Variants in TENM4 observed in about 807,000 individuals in gnomAD.
TENM4 encodes teneurin transmembrane protein 4.
TENM4 carries 82 observed loss-of-function variants against 243.3 expected under a neutral mutation model. The ratio of observed to expected loss-of-function variants is 0.34; its 90% CI spans 0.28 to 0.40. The LOEUF (loss-of-function observed/expected upper bound fraction) is 0.40, where lower values mean the gene tolerates loss of function less well. Ranked by LOEUF, TENM4 falls within the 10% of genes least tolerant of loss-of-function variation. The pLI is 1.00. For synonymous variants in TENM4, 1,412 were observed against 1,456.3 expected (o/e 0.97, Z 0.69); for missense variants, 3,138 against 3,673.3 (o/e 0.85, Z 3.77).
rs1229198205 is a variant in TENM4, at chr11:78,885,847, C to T, written c.1084+3938G>A. On this transcript the variant is annotated intron_variant, in intron 9 of 33. Transcript: ENST00000278550. ...GGCTGAGGTGGAAGGATCACTGGAG[C>T]CCAGGAATTCAAGGCTGCAGTGAGC... Among the ~76,000 whole-genome samples the T allele has an allele frequency of 2.0e-5, 3 of 152,130 alleles. No homozygotes were observed. The East Asian group carries it at 5.8e-4, about 29-fold the overall frequency.
At chr11:79,033,483 A>G (rs1239909588) in intron 6 of TENM4, among the ~76,000 whole-genome samples, 3 of 152,226 alleles carry the variant, frequency 2.0e-5, no homozygotes, top group Non-Finnish European at 4.4e-5. Flanking sequence ...AATGCGGTGA[A>G]CAAAGTATTA....
At chr11:78,914,896 C>T (rs1294762691) in intron 6 of TENM4, among the ~76,000 whole-genome samples, 2 of 152,220 alleles carry the variant, frequency 1.3e-5, no homozygotes, top group East Asian at 3.8e-4. Flanking sequence ...ACATTGGTGC[C>T]CCAGCCTGCC....
intron 1 of TENM4, among the ~76,000 whole-genome samples, chr11:79,335,424 G>C (rs1158980305): frequency 6.6e-6 from 1 of 152,250 alleles, no homozygotes; most frequent in African/African-American, 2.4e-5. Context: ...AGGTTGATTA[G>C]CATTGCGGAG....
At chr11:79,003,798 A>T (rs976545160) in intron 6 of TENM4, among the ~76,000 whole-genome samples, 2 of 152,160 alleles carry the variant, frequency 1.3e-5, no homozygotes, top group African/African-American at 4.8e-5. Context: ...TCTGCATAAT[A>T]ACCAGCTAAC....
chr11:78,860,004 A>T (rs1028736743), intron 10 of TENM4, among the ~76,000 whole-genome samples: 1 of 152,216 alleles, frequency 6.6e-6, no homozygotes, highest in Non-Finnish European at 1.5e-5. Context: ...GGTTACAGCC[A>T]TTTGGAAAAT....
intron 7 of TENM4, among the ~76,000 whole-genome samples, chr11:78,902,998 G>A (rs1451740558): frequency 2.0e-5 from 3 of 152,258 alleles, no homozygotes. Context: ...GATAAGGGAA[G>A]AGAGGCAAGG....
In TENM4 at chr11:78,842,144, C is replaced by T. The variant is rs575690127; in HGVS notation, c.1681+11960G>A. Among the ~76,000 whole-genome samples, 9 of 152,298 alleles carry T rather than the reference C, an allele frequency of 5.9e-5. No homozygotes were observed. The South Asian group carries it at 1.9e-3, about 32-fold the overall frequency. ...TTACCCATCTGCCTATTAGTAACTGCCAACAACTAACTTCCACTGGGAAGT... is the reference window on the plus strand; with the variant it reads ...TTACCCATCTGCCTATTAGTAACTGTCAACAACTAACTTCCACTGGGAAGT... On this transcript the variant is annotated intron_variant, in intron 12 of 33. Coordinates refer to ENST00000278550, the MANE Select transcript of TENM4 (RefSeq NM_001098816.3).
chr11:79,238,152 C>A (rs1386505321), intron 2 of TENM4, among the ~76,000 whole-genome samples: 1 of 152,142 alleles, frequency 6.6e-6, no homozygotes, highest in African/African-American at 2.4e-5. Flanking sequence ...GGAGTGCTGT[C>A]TGAATTGTAT....
chr11:79,438,179 G>A lies in TENM4; in HGVS notation c.-321+2330C>T, dbSNP rs1859318537. On this transcript the variant is annotated intron_variant, in intron 1 of 33. Transcript: ENST00000278550. The surrounding 1 kb of genome is among the most constrained non-coding windows in gnomAD (Gnocchi z 4.1). ...GCGGGCTGGGGGGAAGGGAGTTCAG[G>A]GCCAATGTGTCCCAGACTTCAGCGT... Among the ~76,000 whole-genome samples, 1 of 152,032 alleles carries A rather than the reference G, an allele frequency of 6.6e-6. No homozygotes were observed. Among genetic ancestry groups the A allele is most frequent in the Admixed American group, 6.5e-5 (1 of 15,274 alleles).
intron 7 of TENM4, among the ~76,000 whole-genome samples, chr11:78,899,302 T>G (rs1413798818): frequency 2.6e-5 from 4 of 151,904 alleles, no homozygotes; most frequent in Non-Finnish European, 4.4e-5. Flanking sequence ...ATGTTAAAAT[T>G]TAATACCCAG....
intron 6 of TENM4, among the ~76,000 whole-genome samples, chr11:78,916,217 A>T (rs1479075549): frequency 6.6e-6 from 1 of 152,208 alleles, no homozygotes; most frequent in Non-Finnish European, 1.5e-5. Flanking sequence ...TGATTTCTTC[A>T]TCTGTAAAAT....
At chr11:78,916,214 T>C (rs1856312765) in intron 6 of TENM4, among the ~76,000 whole-genome samples, 1 of 152,224 alleles carries the variant, frequency 6.6e-6, no homozygotes, top group Non-Finnish European at 1.5e-5. Context: ...CCTTGATTTC[T>C]TCATCTGTAA....
intron 1 of TENM4, among the ~76,000 whole-genome samples, chr11:79,304,495 T>C (rs539772812): frequency 6.6e-6 from 1 of 152,330 alleles, no homozygotes; most frequent in East Asian, 1.9e-4. Context: ...CCTTGGATTT[T>C]TCCCCCTGGA....
At chr11:78,963,756 G>T (rs1857380058) in intron 6 of TENM4, among the ~76,000 whole-genome samples, 1 of 142,306 alleles carries the variant, frequency 7.0e-6, no homozygotes, top group Non-Finnish European at 1.5e-5. Flanking sequence ...TTTTGAGACA[G>T]AGTCTCACTC....
At chr11:79,400,494 C>T (rs1346345470) in intron 1 of TENM4, among the ~76,000 whole-genome samples, 1 of 152,108 alleles carries the variant, frequency 6.6e-6, no homozygotes, top group East Asian at 1.9e-4. Context: ...AAACACTGCT[C>T]CTTTCTCCTG....
rs182819613 is a variant in TENM4 at position 78,787,638 on chromosome 11, C to G, written c.2180-555G>C. 1.2e-3 allele frequency among the ~76,000 whole-genome samples: 185 copies of G among 152,234 alleles called. 1 individual carries two copies. The highest frequency in any genetic ancestry group is 6.8e-3 in the Middle Eastern group (2 of 294). On this transcript the variant is annotated intron_variant, in intron 15 of 33. Coordinates refer to ENST00000278550, the MANE Select transcript of TENM4 (RefSeq NM_001098816.3). ...GCGGGAGGGAGGCTGAACCCCAACC[C>G]CATGAGTATACTCTAGGTTGTTGTC... is the stretch of plus-strand genomic sequence containing the variant.
intron 2 of TENM4, among the ~76,000 whole-genome samples, chr11:79,250,377 C>G (rs1366208933): frequency 6.6e-6 from 1 of 152,244 alleles, no homozygotes; most frequent in Non-Finnish European, 1.5e-5. Context: ...GGATGCCAGG[C>G]TCAGGTCAGG....
chr11:78,935,454 T>C lies in TENM4; in HGVS notation c.494-31931A>G, dbSNP rs1417444604. Among the ~76,000 whole-genome samples, 7 of 152,348 alleles carry C rather than the reference T, an allele frequency of 4.6e-5. No homozygotes were observed. The East Asian group carries it at 9.6e-4, about 21-fold the overall frequency. ...TCCAATAACTTATGAGATAGGTTATTGTACTCTGCCCATTTTACAGGTGAG... is the reference window on the plus strand; with the variant it reads ...TCCAATAACTTATGAGATAGGTTATCGTACTCTGCCCATTTTACAGGTGAG... On this transcript the variant is annotated intron_variant, in intron 6 of 33. Transcript: ENST00000278550.
chr11:79,124,772 T>TAC lies in TENM4; in HGVS notation c.-66+23936_-66+23937dup, dbSNP rs538608197. ...AACTAATCAAATATATATATATATA[T>TAC]ACACATATATATGTGTATATATATG... On this transcript the variant is annotated intron_variant, in intron 4 of 33. Coordinates refer to ENST00000278550, the MANE Select transcript of TENM4 (RefSeq NM_001098816.3). 9.8e-4 allele frequency among the ~76,000 whole-genome samples: 141 copies of TAC among 144,604 alleles called. 2 individuals carry two copies. The highest frequency in any genetic ancestry group is 3.1e-3 in the African/African-American group (123 of 39,230). 94.9% of individuals were successfully genotyped at this position (144,604 alleles called of 152,430 possible).
Sources: gnomAD v4.1 joint callset for allele counts (sites outside exome capture counted in the v4.1 genomes callset) on GRCh38, gnomAD v4.1.1 for gene constraint, Gnocchi (gnomAD v3.1) non-coding constraint, MANE v1.5 for transcripts, NCBI Gene and HGNC (gene_info 2026-07-23, HGNC 2026-07-21) for gene names.